The following MSRA variants were observed in gnomAD, a reference collection of about 807,000 sequenced individuals.
MSRA encodes the protein methionine sulfoxide reductase A, also known as mitochondrial peptide methionine sulfoxide reductase.
MSRA carries 54 observed loss-of-function variants against 31.3 expected under a neutral mutation model. The observed-to-expected ratio is 1.73, with a 90% CI of 1.39 to 2.17. MSRA has a LOEUF of 2.17. MSRA is among the 30% of genes most tolerant of loss of function. The pLI is 0.00. For missense variants in MSRA, 507 were observed against 300.9 expected, an observed-to-expected ratio of 1.69 and a Z score of -5.07; for synonymous variants, 169 against 116.5, an observed-to-expected ratio of 1.45 and a Z score of -2.90.
intron 5 of MSRA, among the ~76,000 whole-genome samples, chr8:10,399,724 G>A (rs1001209503): frequency 1.3e-5 from 2 of 152,148 alleles, no homozygotes; most frequent in African/African-American, 4.8e-5. Flanking sequence ...ATATAGGAGG[G>A]TGCAATGGAT....
At chr8:10,227,898 G>A (rs1049879315) in intron 2 of MSRA, among the ~76,000 whole-genome samples, 2 of 152,154 alleles carry the variant, frequency 1.3e-5, no homozygotes, top group Non-Finnish European at 2.9e-5. Flanking sequence ...TTAACATGAT[G>A]TAGATTTTCA....
intron 5 of MSRA, among the ~76,000 whole-genome samples, chr8:10,357,582 T>A (rs1804581682): frequency 6.6e-6 from 1 of 152,254 alleles, no homozygotes; most frequent in African/African-American, 2.4e-5. Context: ...TCAGGAGCTT[T>A]CCTATCTTCT....
At chr8:10,209,576 G>A (rs1382582138) in intron 2 of MSRA, among the ~76,000 whole-genome samples, 2 of 152,144 alleles carry the variant, frequency 1.3e-5, no homozygotes, top group Non-Finnish European at 2.9e-5. Flanking sequence ...GGGGGTTGCA[G>A]TGGAAAGATT....
chr8:10,337,661 G>T (rs186392911), intron 5 of MSRA: 1 of 695,954 alleles, frequency 1.4e-6, no homozygotes, highest in Non-Finnish European at 2.6e-6. Flanking sequence ...AGTGTCATCC[G>T]GTGAATGATT....
intron 3 of MSRA, among the ~76,000 whole-genome samples, chr8:10,269,004 A>C (rs1204803204): frequency 2.0e-5 from 3 of 152,216 alleles, no homozygotes; most frequent in African/African-American, 7.2e-5. Flanking sequence ...CATAGCCCGC[A>C]AACCCATTTG....
chr8:10,319,947 G>C lies in MSRA; in HGVS notation c.501G>C (p.Lys167Asn), dbSNP rs761344837. The C allele has an allele frequency of 2.5e-6, 4 of 1,602,122 alleles. No homozygotes were observed. In the South Asian group the frequency reaches 4.6e-5, roughly 18 times the overall value. ...YRSAIYPTSA[K>N]QMEAALSSKE... ...CGGCCATCTACCCGACCTCTGCCAA[G>C]CAAATGGAGGCAGCCCTGAGCTCCA... Residue 167 changes from lysine to asparagine, a missense_variant, in exon 5 of 6, where the codon AAG (lysine) becomes AAC (asparagine). Lys to Asn is a moderately conservative substitution (Grantham distance 94). Coordinates refer to ENST00000317173, the MANE Select transcript of MSRA (RefSeq NM_012331.5).
intron 1 of MSRA, among the ~76,000 whole-genome samples, chr8:10,182,692 C>T (rs1218383518): frequency 6.6e-6 from 1 of 152,170 alleles, no homozygotes; most frequent in East Asian, 1.9e-4. Flanking sequence ...TTTCCAAGAG[C>T]CATTGGGCTC....
intron 5 of MSRA, among the ~76,000 whole-genome samples, chr8:10,345,176 A>C (rs74865727): frequency 2.1e-3 from 325 of 152,328 alleles, no homozygotes; most frequent in African/African-American, 7.2e-3. Flanking sequence ...TCCTTGGCTA[A>C]AACAAGTCAT....
chr8:10,329,274 G>A (rs531909380), intron 5 of MSRA, among the ~76,000 whole-genome samples: 6 of 152,296 alleles, frequency 3.9e-5, no homozygotes, highest in African/African-American at 1.2e-4. Flanking sequence ...CCCAAATCAG[G>A]GTACTAGCTG....
intron 2 of MSRA, among the ~76,000 whole-genome samples, chr8:10,218,437 G>A (rs1159396158): frequency 2.0e-5 from 3 of 152,072 alleles, no homozygotes; most frequent in Non-Finnish European, 2.9e-5. Flanking sequence ...GAGCCACTGC[G>A]CCCGGCCCTG....
chr8:10,094,640 C>T (rs148887355), intron 1 of MSRA, among the ~76,000 whole-genome samples: 10 of 152,254 alleles, frequency 6.6e-5, no homozygotes, highest in Non-Finnish European at 1.2e-4. Context: ...TTCTATGAAA[C>T]GATGATTCTA....
intron 3 of MSRA, among the ~76,000 whole-genome samples, chr8:10,281,574 A>T (rs1306577006): frequency 1.3e-5 from 2 of 152,268 alleles, no homozygotes; most frequent in African/African-American, 4.8e-5. Context: ...CATAGGAGCC[A>T]GTACACCGCA....
chr8:10,273,569 T>G (rs1282301596), intron 3 of MSRA, among the ~76,000 whole-genome samples: 1 of 152,222 alleles, frequency 6.6e-6, no homozygotes, highest in East Asian at 1.9e-4. Context: ...AGAACAGTGA[T>G]AATTATTAAT....
chr8:10,263,602 T>C (rs1203754721), intron 3 of MSRA, among the ~76,000 whole-genome samples: 1 of 152,228 alleles, frequency 6.6e-6, no homozygotes, highest in East Asian at 1.9e-4. Context: ...CTCTCTTTTT[T>C]ATTCTCACTG....
chr8:10,250,577 T>C, intron 3 of MSRA: 1 of 672,240 alleles, frequency 1.5e-6, no homozygotes. Flanking sequence ...GCCCAGACAT[T>C]TCCTTATCAA....
chr8:10,417,813 G>T (rs1302140921), intron 5 of MSRA, among the ~76,000 whole-genome samples: 1 of 104,126 alleles, frequency 9.6e-6, no homozygotes, highest in South Asian at 2.8e-4. Context: ...CGCAGGACAA[G>T]CATAGCATGG....
chr8:10,306,003 C>G (rs1801119747), intron 4 of MSRA, among the ~76,000 whole-genome samples: 1 of 152,218 alleles, frequency 6.6e-6, no homozygotes, highest in African/African-American at 2.4e-5. Flanking sequence ...CCAATAGGTT[C>G]TATTCTGGCC....
intron 1 of MSRA, among the ~76,000 whole-genome samples, chr8:10,156,671 CA>C (rs2129039868): frequency 6.6e-6 from 1 of 152,190 alleles, no homozygotes; most frequent in Non-Finnish European, 1.5e-5. Flanking sequence ...GCAAGATGAG[CA>C]TATTCTTCCT....
intron 1 of MSRA, among the ~76,000 whole-genome samples, chr8:10,125,752 A>G (rs1801454817): frequency 6.6e-6 from 1 of 152,242 alleles, no homozygotes; most frequent in Admixed American, 6.5e-5. Flanking sequence ...CCACAAAGGT[A>G]TTGCACAATA....
Sources: gnomAD v4.1 joint callset for allele counts (sites outside exome capture counted in the v4.1 genomes callset) on GRCh38, gnomAD v4.1.1 for gene constraint, MANE v1.5 for transcripts, NCBI Gene and HGNC (gene_info 2026-07-23, HGNC 2026-07-21) for gene names.